RIGI: variants seen among roughly 807,000 people sequenced by gnomAD.
RIGI encodes RNA sensor RIG-I.
the RIGI span, among the ~76,000 whole-genome samples, chr9:32,515,502 C>G: frequency 6.6e-6 from 1 of 152,110 alleles, no homozygotes; most frequent in African/African-American, 2.4e-5. Flanking sequence ...CTTCTGTCTT[C>G]TCTCTCCTTT....
At chr9:32,517,909 T>C in the RIGI span, among the ~76,000 whole-genome samples, 1 of 152,222 alleles carries the variant, frequency 6.6e-6, no homozygotes, top group East Asian at 1.9e-4. Flanking sequence ...ACTTTTGGCA[T>C]AATCGGAAAT....
the RIGI span, among the ~76,000 whole-genome samples, chr9:32,482,557 G>A: frequency 1.3e-5 from 2 of 152,064 alleles, no homozygotes; most frequent in South Asian, 2.1e-4. Context: ...CATCAGAGGA[G>A]GATATATAAA....
chr9:32,516,984 T>C, the RIGI span, among the ~76,000 whole-genome samples: 3 of 152,370 alleles, frequency 2.0e-5, no homozygotes, highest in East Asian at 5.8e-4. Flanking sequence ...AATGGGAAAT[T>C]AGAATTCAAC....
the RIGI span, chr9:32,488,957 T>C: frequency 2.2e-6 from 3 of 1,364,140 alleles, no homozygotes; most frequent in African/African-American, 4.4e-5. Context: ...AAGGTGTTTA[T>C]TTTTGGCTCT....
chr9:32,485,232 T>C, the RIGI span: 3 of 1,608,386 alleles, frequency 1.9e-6, no homozygotes, highest in Admixed American at 1.7e-5. Context: ...AGCTGAGCTA[T>C]GATGTATTTA....
the RIGI span, chr9:32,487,733 GTTT>G: frequency 7.1e-7 from 1 of 1,408,276 alleles, no homozygotes; most frequent in Middle Eastern, 1.8e-4. Flanking sequence ...GCGTTTTTTT[GTTT>G]TTACTAACAC....
the RIGI span, chr9:32,466,165 A>C: frequency 1.1e-6 from 1 of 922,874 alleles, no homozygotes; most frequent in Non-Finnish European, 1.6e-6. Flanking sequence ...TTTAATATTC[A>C]CTAAGTATAA....
chr9:32,505,239 A>T, the RIGI span, among the ~76,000 whole-genome samples: 1 of 151,848 alleles, frequency 6.6e-6, no homozygotes, highest in South Asian at 2.1e-4. Flanking sequence ...GTGGACAGAG[A>T]TGCACATTAT....
chr9:32,509,149 G>A, the RIGI span, among the ~76,000 whole-genome samples: 5 of 152,206 alleles, frequency 3.3e-5, no homozygotes, highest in African/African-American at 1.2e-4. Context: ...GGGCACCTGG[G>A]GAAAAGGGCA....
chr9:32,492,460 G>A, the RIGI span: 1 of 1,614,100 alleles, frequency 6.2e-7, no homozygotes, highest in Non-Finnish European at 8.5e-7. Context: ...AAAGTTTTGG[G>A]CCAGTTTTCC....
the RIGI span, among the ~76,000 whole-genome samples, chr9:32,524,596 G>GTTTTTTTTTTTTTTTGTTTTTTT: frequency 1.5e-5 from 1 of 67,580 alleles, no homozygotes. Context: ...TTGTTTTTCG[G>GTTTTTTTTTTTTTTTGTTTTTTT]TTTTTTTTTT....
chr9:32,480,240 C>A, the RIGI span: 1 of 1,605,200 alleles, frequency 6.2e-7, no homozygotes, highest in Non-Finnish European at 8.5e-7. Flanking sequence ...TGAGTAAGAT[C>A]TTGCTCAATC....
chr9:32,470,571 A>G, the RIGI span, among the ~76,000 whole-genome samples: 1 of 152,206 alleles, frequency 6.6e-6, no homozygotes, highest in African/African-American at 2.4e-5. Context: ...GCAGGCAGTG[A>G]GCCAGATTTT....
chr9:32,489,455 G>A, the RIGI span: 1 of 1,598,208 alleles, frequency 6.3e-7, no homozygotes, highest in Non-Finnish European at 8.6e-7. Context: ...GACACTTCTG[G>A]AATACAAAAG....
the RIGI span, among the ~76,000 whole-genome samples, chr9:32,489,110 ACTTTT>A: frequency 1.3e-5 from 2 of 152,152 alleles, no homozygotes; most frequent in African/African-American, 2.4e-5. Context: ...AAAAGAGGAC[ACTTTT>A]CTTTACCTTC....
the RIGI span, chr9:32,477,157 T>C: frequency 1.9e-6 from 3 of 1,610,258 alleles, no homozygotes; most frequent in South Asian, 2.2e-5. Context: ...ATTTTATAAA[T>C]GGCTTATAAA....
At chr9:32,519,357 T>C in the RIGI span, among the ~76,000 whole-genome samples, 3 of 152,326 alleles carry the variant, frequency 2.0e-5, no homozygotes, top group South Asian at 6.2e-4. Context: ...TTTGCTCTAC[T>C]TATCCAAAGT....
the RIGI span, among the ~76,000 whole-genome samples, chr9:32,512,241 C>A: frequency 3.3e-5 from 5 of 152,146 alleles, no homozygotes; most frequent in African/African-American, 4.8e-5. Flanking sequence ...ACCCTGATAC[C>A]AAAACCTGGC....
the RIGI span, chr9:32,500,963 T>G: frequency 1.2e-6 from 2 of 1,610,610 alleles, no homozygotes; most frequent in Non-Finnish European, 1.7e-6. Context: ...CAAAAATGAC[T>G]CATCAAACTG....
Sources: allele counts gnomAD v4.1 joint callset (sites outside exome capture counted in the v4.1 genomes callset), GRCh38; gene constraint gnomAD v4.1.1; transcripts MANE v1.5; gene names NCBI Gene and HGNC (gene_info 2026-07-23, HGNC 2026-07-21).